SPAG17: variants seen among roughly 807,000 people sequenced by gnomAD.
SPAG17 encodes sperm associated antigen 17, also known as sperm-associated antigen 17.
SPAG17 carries 169 observed loss-of-function variants against 273.6 expected under a neutral mutation model. That is an observed-to-expected ratio of 0.62 (90% CI 0.55 to 0.70). The LOEUF (loss-of-function observed/expected upper bound fraction) is 0.70. SPAG17 is among the 30% of genes least tolerant of loss of function. SPAG17 has a pLI of 0.00. For missense variants in SPAG17, 2,557 were observed against 2,627.8 expected (o/e 0.97, Z 0.59); for synonymous variants, 825 against 873.2 (o/e 0.94, Z 0.97).
Position 118,185,146 on chromosome 1 carries a change from C to T in SPAG17, c.12G>A (p.Lys4=), listed in dbSNP as rs1229406921. The change falls in exon 1 of 49, where the codon AAG becomes AAA. Residue 4 remains lysine (K), a synonymous_variant. Transcript: ENST00000336338. ...TGTTCACAGTTCCTCCTTTCTCCTT[C>T]TTGGGTGCCATGCAAAGGACGGGAG... is the stretch of plus-strand genomic sequence containing the variant. MAP[K]KEKGGTVNTS... 6.2e-7 allele frequency: 1 copy of T among 1,613,992 alleles called. No individual in the cohort carries two copies.
intron 3 of SPAG17, among the ~76,000 whole-genome samples, chr1:118,122,873 G>A (rs1657498280): frequency 6.6e-6 from 1 of 152,164 alleles, no homozygotes; most frequent in African/African-American, 2.4e-5. Flanking sequence ...AGTTGTGAGA[G>A]CAGAGAATGG....
At chr1:118,014,089 C>A (rs779033866) in intron 29 of SPAG17, among the ~76,000 whole-genome samples, 5 of 152,220 alleles carry the variant, frequency 3.3e-5, no homozygotes, top group Non-Finnish European at 7.3e-5. Flanking sequence ...TTGAGGTCTA[C>A]ATTCTGGCTC....
At chr1:117,959,667 A>G in intron 48 of SPAG17, 2 of 389,846 alleles carry the variant, frequency 5.1e-6, no homozygotes, top group Middle Eastern at 6.9e-4. Context: ...TAGTTTAAAA[A>G]TCTTTCTGTG....
intron 35 of SPAG17, among the ~76,000 whole-genome samples, chr1:117,992,973 G>C (rs914317696): frequency 6.6e-6 from 1 of 152,154 alleles, no homozygotes; most frequent in African/African-American, 2.4e-5. Flanking sequence ...CTATTTCTTA[G>C]TATCCACAAG....
chr1:117,957,795 T>A (rs1273586322), intron 48 of SPAG17, among the ~76,000 whole-genome samples: 1 of 152,226 alleles, frequency 6.6e-6, no homozygotes, highest in African/African-American at 2.4e-5. Flanking sequence ...AGGATGGACA[T>A]TCCTGTTTTA....
intron 3 of SPAG17, among the ~76,000 whole-genome samples, chr1:118,148,954 C>A (rs1350087822): frequency 1.3e-5 from 2 of 152,148 alleles, no homozygotes; most frequent in African/African-American, 2.4e-5. Context: ...AGATGTGCAA[C>A]CTGTCCTTGG....
At chr1:118,030,253 C>T (rs1403989778) in intron 25 of SPAG17, among the ~76,000 whole-genome samples, 3 of 152,038 alleles carry the variant, frequency 2.0e-5, no homozygotes, top group Non-Finnish European at 4.4e-5. Context: ...GTAACTTTTA[C>T]AAGGCCAGAG....
chr1:117,971,452 C>T (rs528185884), intron 45 of SPAG17, among the ~76,000 whole-genome samples: 11 of 152,298 alleles, frequency 7.2e-5, no homozygotes, highest in African/African-American at 2.6e-4. Context: ...ATTAAAAGCA[C>T]CTTTCAGATC....
intron 40 of SPAG17, among the ~76,000 whole-genome samples, chr1:117,986,082 T>A (rs1194036394): frequency 6.6e-6 from 1 of 152,216 alleles, no homozygotes; most frequent in Admixed American, 6.5e-5. Context: ...GTTCTGTAAG[T>A]AATCAAATTG....
chr1:118,101,695 T>C (rs1656073479), intron 5 of SPAG17, 45 bp downstream of exon 5: 1 of 1,572,754 alleles, frequency 6.4e-7, no homozygotes. Flanking sequence ...ATTGCCACTG[T>C]GTTTCACTCG....
intron 3 of SPAG17, among the ~76,000 whole-genome samples, chr1:118,123,006 T>C (rs572146785): frequency 6.6e-6 from 1 of 152,290 alleles, no homozygotes; most frequent in Admixed American, 6.5e-5. Context: ...TTGAGATATC[T>C]TTAGAGAGAA....
intron 1 of SPAG17, 133 bp from the exon 2 acceptor site, chr1:118,151,502 T>C: frequency 4.6e-6 from 4 of 873,118 alleles, no homozygotes; most frequent in Non-Finnish European, 6.3e-6. Flanking sequence ...TTGTAATGTA[T>C]GTGGTTTTCT....
At chr1:117,964,137 T>A in intron 47 of SPAG17, 199 bp from the exon 48 acceptor site, 1 of 517,520 alleles carries the variant, frequency 1.9e-6, no homozygotes, top group Non-Finnish European at 3.4e-6. Context: ...ATGTCTTCTG[T>A]TCTCCCTAGT....
At chr1:118,069,358 A>AAAAAAAAAAAAAAAAAAAAT (rs1653334988) in intron 17 of SPAG17, among the ~76,000 whole-genome samples, 1 of 150,460 alleles carries the variant, frequency 6.6e-6, no homozygotes, top group Non-Finnish European at 1.5e-5. Context: ...AAAAAAAAAA[A>AAAAAAAAAAAAAAAAAAAAT]GTGGTGGTAG....
At chr1:118,035,945 C>T (rs1649028213) in intron 24 of SPAG17, among the ~76,000 whole-genome samples, 1 of 152,168 alleles carries the variant, frequency 6.6e-6, no homozygotes, top group African/African-American at 2.4e-5. Flanking sequence ...GTAATCCCAG[C>T]ACTTTGGGAG....
At position 118,081,316 on chromosome 1, in the gene SPAG17, A is replaced by G; in HGVS notation, c.1994T>C (p.Ile665Thr). The G allele has an allele frequency of 1.9e-6, 3 of 1,613,856 alleles. No homozygotes were observed. Among genetic ancestry groups the G allele is most frequent in the Non-Finnish European group, 1.7e-6 (2 of 1,179,860 alleles). ...NTQEAKQKAD[I>T]KIKDRTLFVD... ...AAATAGTGTTCTGTCTTTGATTTTA[A>G]TATCTATTCAGTGTAAGGAACATCC... is the stretch of plus-strand genomic sequence containing the variant. The change falls in exon 15 of 49, where the codon ATT becomes ACT. Residue 665 changes from isoleucine (I) to threonine (T), a missense_variant. By Grantham distance (89) the Ile-to-Thr change is moderately conservative. Transcript: ENST00000336338.
intron 29 of SPAG17, among the ~76,000 whole-genome samples, chr1:118,012,610 CAAGT>C (rs1465233788): frequency 1.3e-5 from 2 of 152,152 alleles, no homozygotes; most frequent in Admixed American, 6.5e-5. Flanking sequence ...AGTCATGCAG[CAAGT>C]AAGTATCAGG....
At chr1:118,033,678 A>G (rs979278445) in intron 24 of SPAG17, among the ~76,000 whole-genome samples, 7 of 152,190 alleles carry the variant, frequency 4.6e-5, no homozygotes, top group African/African-American at 1.4e-4. Flanking sequence ...GGCATATAAC[A>G]TTCTTCACAA....
intron 18 of SPAG17, among the ~76,000 whole-genome samples, chr1:118,059,744 A>T (rs183437508): frequency 6.6e-6 from 1 of 152,174 alleles, no homozygotes; most frequent in Non-Finnish European, 1.5e-5. Context: ...CATATGATAT[A>T]AGTGTAGACA....
Sources: gnomAD v4.1 joint callset for allele counts (sites outside exome capture counted in the v4.1 genomes callset) on GRCh38, gnomAD v4.1.1 for gene constraint, MANE v1.5 for transcripts, NCBI Gene and HGNC (gene_info 2026-07-23, HGNC 2026-07-21) for gene names.